KLHL5: variants seen among roughly 807,000 people sequenced by gnomAD.
KLHL5 encodes kelch-like protein 5.
A neutral mutation model predicts 77.7 loss-of-function variants in KLHL5; 48 were observed. The ratio of observed to expected loss-of-function variants is 0.62; its 90% CI spans 0.49 to 0.79. The LOEUF (loss-of-function observed/expected upper bound fraction) is 0.79. Ranked by LOEUF, KLHL5 falls within the 30% of genes least tolerant of loss-of-function variation. The pLI is 0.00. For synonymous variants in KLHL5, 260 were observed against 297.0 expected (o/e 0.88, Z 1.28); for missense variants, 723 against 859.7 (o/e 0.84, Z 1.99).
chr4:39,081,053 C>T lies in KLHL5; in HGVS notation c.567-50C>T. On this transcript the variant is annotated intron_variant, in intron 2 of 10. Transcript: ENST00000504108. The surrounding 1 kb of genome is among the most constrained non-coding windows in gnomAD (Gnocchi z 4.3). ...AGAAGCAGCAGCATTTATTAATGAA[C>T]ATCAACTCGAATGTGGTCATTGATT... 1 of 1,544,360 alleles carries T rather than the reference C, an allele frequency of 6.5e-7. No homozygotes were observed. The highest frequency in any genetic ancestry group is 8.8e-7 in the Non-Finnish European group (1 of 1,141,488).
At chr4:39,078,419 T>A (rs1468641171) in intron 2 of KLHL5, among the ~76,000 whole-genome samples, 1 of 148,980 alleles carries the variant, frequency 6.7e-6, no homozygotes, top group African/African-American at 2.5e-5. Context: ...TAGGCCAGGC[T>A]TGGTAGGCTC....
chr4:39,058,534 C>T (rs532187076), upstream of KLHL5, among the ~76,000 whole-genome samples: 1 of 152,106 alleles, frequency 6.6e-6, no homozygotes, highest in East Asian at 1.9e-4. Context: ...GAAGGACCCC[C>T]TGAGCTCGGG....
intron 2 of KLHL5, among the ~76,000 whole-genome samples, chr4:39,078,941 A>G (rs1288321872): frequency 2.0e-5 from 3 of 152,198 alleles, no homozygotes; most frequent in African/African-American, 7.2e-5. Flanking sequence ...TGGAAATAAA[A>G]TCATTAGGAG....
intron 5 of KLHL5, among the ~76,000 whole-genome samples, chr4:39,092,033 C>G (rs1416550413): frequency 6.6e-6 from 1 of 151,866 alleles, no homozygotes; most frequent in Non-Finnish European, 1.5e-5. Flanking sequence ...TATTCACATT[C>G]TATTTGTGTT....
At chr4:39,067,060 A>T (rs1374317364) in intron 1 of KLHL5, among the ~76,000 whole-genome samples, 1 of 152,222 alleles carries the variant, frequency 6.6e-6, no homozygotes, top group Non-Finnish European at 1.5e-5. Flanking sequence ...ACCAGTGGTG[A>T]TACATTATTA....
At chr4:39,083,366 A>C (rs530786037) in intron 4 of KLHL5, among the ~76,000 whole-genome samples, 33 of 152,286 alleles carry the variant, frequency 2.2e-4, no homozygotes, top group African/African-American at 7.9e-4. Context: ...GATTTCCTCT[A>C]TCCAAAACAA....
At chr4:39,127,006 C>T (rs868479116), downstream of KLHL5, 1 of 318,742 alleles carries the variant, frequency 3.1e-6, no homozygotes, top group African/African-American at 2.2e-5. Flanking sequence ...ATTACCCTTA[C>T]ACTCCTGCTT....
At chr4:39,090,565 C>T (rs750738059) in intron 5 of KLHL5, among the ~76,000 whole-genome samples, 1 of 151,832 alleles carries the variant, frequency 6.6e-6, no homozygotes, top group Non-Finnish European at 1.5e-5. Context: ...TCTCCTGCCT[C>T]AGCCTCCCGA....
At chr4:39,071,256 A>G (rs1718447408) in intron 1 of KLHL5, among the ~76,000 whole-genome samples, 1 of 152,184 alleles carries the variant, frequency 6.6e-6, no homozygotes, top group Admixed American at 6.5e-5. Context: ...TAGTAAGCAC[A>G]CTTCTGCAAA....
At chr4:39,080,879 T>C (rs896138455) in intron 2 of KLHL5, among the ~76,000 whole-genome samples, 3 of 152,232 alleles carry the variant, frequency 2.0e-5, no homozygotes, top group Non-Finnish European at 4.4e-5. Flanking sequence ...TATAGCATTA[T>C]TTGAGTAGTG....
upstream of KLHL5, among the ~76,000 whole-genome samples, chr4:39,057,502 TCATA>T (rs540778271): frequency 4.8e-4 from 73 of 152,322 alleles, no homozygotes; most frequent in Non-Finnish European, 9.1e-4. Context: ...TTTTCCACCA[TCATA>T]CATTTTTAAG....
Position 39,082,041 on chromosome 4 carries a change from A to G in KLHL5, c.782A>G (p.Glu261Gly). 2.5e-6 allele frequency: 4 copies of G among 1,613,986 alleles called. No individual in the cohort carries two copies. The highest frequency in any genetic ancestry group is 2.5e-6 in the Non-Finnish European group (3 of 1,179,938). ...CTTCTTCAGCTTTCACAGGTTGTAG[A>G]AGCATGCTGTAAGTTTTTAATGAAA... ...ACLLQLSQVV[E>G]ACCKFLMKQL... The change falls in exon 4 of 11, where the codon GAA becomes GGA. Residue 261 changes from glutamate to glycine, a missense_variant. Glu to Gly is a moderately conservative substitution (Grantham distance 98, BLOSUM62 -2). Transcript: ENST00000504108.
At chr4:39,129,556 T>C (rs998062884), downstream of KLHL5, among the ~76,000 whole-genome samples, 1 of 152,148 alleles carries the variant, frequency 6.6e-6, no homozygotes, top group African/African-American at 2.4e-5. This position sits in a 1 kb window ranked among gnomAD's most constrained non-coding sequence, Gnocchi z 4.2. Flanking sequence ...GTTTGTTACA[T>C]AGGTATATTG....
chr4:39,117,001 T>C (rs890744349), intron 10 of KLHL5, among the ~76,000 whole-genome samples: 2 of 152,072 alleles, frequency 1.3e-5, no homozygotes, highest in African/African-American at 4.8e-5. Flanking sequence ...CACACCCAGC[T>C]AATTTTTCTA....
At chr4:39,141,350 C>T in the KLHL5 span, among the ~76,000 whole-genome samples, 23 of 146,654 alleles carry the variant, frequency 1.6e-4, no homozygotes, top group Admixed American at 1.2e-3. Context: ...GCTTTGTTGC[C>T]CAGGCTGGAG....
At chr4:39,127,482 C>G (rs1468706253), downstream of KLHL5, among the ~76,000 whole-genome samples, 2 of 152,264 alleles carry the variant, frequency 1.3e-5, no homozygotes, top group South Asian at 4.1e-4. Context: ...GGGTCTTGCT[C>G]TGTCGCCCAG....
At chr4:39,083,801 A>G (rs1458535587) in intron 4 of KLHL5, among the ~76,000 whole-genome samples, 1 of 152,236 alleles carries the variant, frequency 6.6e-6, no homozygotes, top group Admixed American at 6.5e-5. Flanking sequence ...TGTTGTTTAC[A>G]GTAGAGGCAT....
chr4:39,119,336 C>T lies in KLHL5; in HGVS notation c.2074-1674C>T, dbSNP rs181898246. Reference sequence around the variant, plus strand: ...GCATGGTGGCTCACCCCTGTAATCCCGGCACTTTGGGAGGCCGAAGCAGGT... The same window carrying T: ...GCATGGTGGCTCACCCCTGTAATCCTGGCACTTTGGGAGGCCGAAGCAGGT... On this transcript the variant is annotated intron_variant, in intron 10 of 10. Transcript: ENST00000504108. 1.1e-4 allele frequency among the ~76,000 whole-genome samples: 17 copies of T among 152,248 alleles called. No homozygotes were observed. In the South Asian group the frequency reaches 1.4e-3, roughly 13 times the overall value.
chr4:39,062,540 A>G lies in KLHL5; in HGVS notation c.-113A>G, dbSNP rs751448347. The G allele has an allele frequency of 3.7e-6, 6 of 1,611,000 alleles. No individual in the cohort carries two copies. The highest frequency in any genetic ancestry group is 5.1e-6 in the Non-Finnish European group (6 of 1,177,732). ...ATGAATGTGATTTATTTTCCTTTAC[A>G]TATTTTTGTTGTGTACAGCAGGGCA... On this transcript the variant is annotated 5_prime_UTR_variant, in exon 1 of 11. Coordinates refer to ENST00000504108, the MANE Select transcript of KLHL5 (RefSeq NM_015990.5).
Sources: gnomAD v4.1 joint callset for allele counts (sites outside exome capture counted in the v4.1 genomes callset) on GRCh38, gnomAD v4.1.1 for gene constraint, Gnocchi (gnomAD v3.1) non-coding constraint, MANE v1.5 for transcripts, NCBI Gene and HGNC (gene_info 2026-07-23, HGNC 2026-07-21) for gene names.